CLBA1: variants seen among roughly 807,000 people sequenced by gnomAD.
The protein encoded by CLBA1 is uncharacterized protein CLBA1.
CLBA1 carries 30 observed loss-of-function variants against 28.8 expected under a neutral mutation model. The ratio of observed to expected loss-of-function variants is 1.04; its 90% CI spans 0.78 to 1.41. The LOEUF (loss-of-function observed/expected upper bound fraction) is 1.41. Ranked by LOEUF, CLBA1 falls within the 40% of genes most tolerant of loss-of-function variation. CLBA1 has a pLI of 0.00. For synonymous variants in CLBA1, 160 were observed against 152.8 expected, an observed-to-expected ratio of 1.05 and a Z score of -0.35; for missense variants, 451 against 412.3, an observed-to-expected ratio of 1.09 and a Z score of -0.81.
At chr14:104,998,415 T>TAA (rs60067779), downstream of CLBA1, among the ~76,000 whole-genome samples, 2,705 of 146,532 alleles carry the variant, frequency 0.018, 49 homozygotes, top group Non-Finnish European at 0.028. Flanking sequence ...CCCTATCTCT[T>TAA]AAAAAAAAAA....
At chr14:104,992,414 C>T (rs2140898293) in intron 3 of CLBA1, among the ~76,000 whole-genome samples, 1 of 152,352 alleles carries the variant, frequency 6.6e-6, no homozygotes, top group East Asian at 1.9e-4. Flanking sequence ...AATTTTCAAA[C>T]ATGGAAAACT....
intron 1 of CLBA1, among the ~76,000 whole-genome samples, chr14:104,987,378 C>A (rs1313957615): frequency 1.3e-5 from 2 of 152,164 alleles, no homozygotes; most frequent in African/African-American, 4.8e-5. Context: ...AGCCTTCAGG[C>A]CCCTGCCCCC....
chr14:104,989,136 TGTTTG>T, intron 2 of CLBA1, 48 bp downstream of exon 2: 1 of 1,584,538 alleles, frequency 6.3e-7, no homozygotes, highest in Non-Finnish European at 8.6e-7. Context: ...TTTGTACTTT[TGTTTG>T]ATAAAAGTAG....
chr14:104,995,235 T>C lies in CLBA1; in HGVS notation c.*476T>C. On this transcript the variant is annotated 3_prime_UTR_variant, in exon 5 of 5. Coordinates refer to ENST00000547315, the MANE Select transcript of CLBA1 (RefSeq NM_174891.4). Reference sequence around the variant, plus strand: ...GTCTGTCACACTCTGCCCTGGCTGCTGTGTGGTCAGGGCACCATGAGGGTG... The same window carrying C: ...GTCTGTCACACTCTGCCCTGGCTGCCGTGTGGTCAGGGCACCATGAGGGTG... 1.0e-6 allele frequency: 1 copy of C among 986,482 alleles called. No individual in the cohort carries two copies. Among genetic ancestry groups the C allele is most frequent in the Non-Finnish European group, 1.2e-6 (1 of 830,744 alleles). The allele number at this position is 986,482 out of a possible 1,614,324, so 61.1% of individuals were successfully genotyped here. A position where few individuals can be genotyped will look rare whatever the true frequency, so the allele number is the denominator to read the frequency against.
Position 104,995,064 on chromosome 14 carries a change from G to A in CLBA1, c.*305G>A. 8.6e-6 allele frequency: 9 copies of A among 1,048,882 alleles called. No homozygotes were observed. The highest frequency in any genetic ancestry group is 9.2e-6 in the Non-Finnish European group (8 of 870,808). 65.0% of individuals were successfully genotyped at this position (1,048,882 alleles called of 1,614,324 possible). The stretch of plus-strand genomic sequence containing the variant: ...TGCTGCTGGCACCTGGTGGGGGGTT[G>A]CCCAGGGATGGACCCTGGGCATGGC... On this transcript the variant is annotated 3_prime_UTR_variant, in exon 5 of 5. Coordinates refer to ENST00000547315, the MANE Select transcript of CLBA1 (RefSeq NM_174891.4).
At chr14:104,992,046 G>T (rs879904734) in intron 3 of CLBA1, among the ~76,000 whole-genome samples, 10 of 125,222 alleles carry the variant, frequency 8.0e-5, no homozygotes, top group African/African-American at 3.1e-4. Context: ...CCACGCACAC[G>T]CCACCACGCA....
intron 3 of CLBA1, among the ~76,000 whole-genome samples, chr14:104,991,869 C>T (rs1900033178): frequency 6.6e-6 from 1 of 152,206 alleles, no homozygotes; most frequent in Non-Finnish European, 1.5e-5. Context: ...GAGCCTGCAG[C>T]AGACAACGCA....
At chr14:104,998,415 T>TAAA (rs60067779), downstream of CLBA1, among the ~76,000 whole-genome samples, 7 of 146,488 alleles carry the variant, frequency 4.8e-5, no homozygotes, top group Non-Finnish European at 1.0e-4. Flanking sequence ...CCCTATCTCT[T>TAAA]AAAAAAAAAA....
At chr14:104,989,891 T>C in intron 2 of CLBA1, 1 of 361,426 alleles carries the variant, frequency 2.8e-6, no homozygotes, top group South Asian at 2.0e-5. Flanking sequence ...GACAGGCCAT[T>C]CTGGGCTCCA....
Position 104,993,117 on chromosome 14 carries a change from CAT to C in CLBA1, c.816+54_816+55del, listed in dbSNP as rs1055536048. ...GGGAACCGCGCTGGCGGTGTCCACA[CAT>C]GTGGAGCCCTCCGCTTTCTCTGATG... On this transcript the variant is annotated intron_variant, in intron 4 of 4. Coordinates refer to ENST00000547315, the MANE Select transcript of CLBA1 (RefSeq NM_174891.4). 1.6e-5 allele frequency: 25 copies of C among 1,565,774 alleles called. No individual in the cohort carries two copies. In the African/African-American group the frequency reaches 2.6e-4, roughly 16 times the overall value.
intron 1 of CLBA1, among the ~76,000 whole-genome samples, chr14:104,988,657 C>T (rs1024655435): frequency 2.1e-4 from 32 of 152,194 alleles, no homozygotes; most frequent in African/African-American, 6.0e-4. Flanking sequence ...AATTTCTTAA[C>T]CAAACTGGAA....
At chr14:104,991,964 G>A (rs1409928853) in intron 3 of CLBA1, among the ~76,000 whole-genome samples, 4 of 140,876 alleles carry the variant, frequency 2.8e-5, no homozygotes, top group Admixed American at 7.1e-5. Flanking sequence ...CCACGCACAC[G>A]CCGCCACACA....
chr14:104,989,873 G>C (rs1012882072), intron 2 of CLBA1: 1 of 372,294 alleles, frequency 2.7e-6, no homozygotes, highest in South Asian at 1.9e-5. Flanking sequence ...CTTTCAGAGA[G>C]CTCTGCAGAC....
rs1899864759 is a variant in CLBA1, at chr14:104,986,490, C to T, written c.59C>T (p.Ala20Val). The T allele has an allele frequency of 1.2e-6, 2 of 1,613,460 alleles. No individual in the cohort carries two copies. The highest frequency in any genetic ancestry group is 2.7e-5 in the African/African-American group (2 of 74,936). The change falls in exon 1 of 5, where the codon GCC (alanine) becomes GTC (valine). Residue 20 changes from alanine to valine, a missense_variant. Coordinates refer to ENST00000547315, the MANE Select transcript of CLBA1 (RefSeq NM_174891.4). ...EPLSDLQEEA[A>V]SASLRVAPER... ...TTGAGTGACCTCCAGGAGGAAGCAG[C>T]CAGCGCTTCCCTCCGAGTGGCACCT...
chr14:104,989,424 G>A (rs1421880894), intron 2 of CLBA1: 4 of 391,814 alleles, frequency 1.0e-5, no homozygotes, highest in Admixed American at 9.8e-5. Flanking sequence ...CTGGGCAGTG[G>A]GCACAGGGGC....
intron 2 of CLBA1, among the ~76,000 whole-genome samples, chr14:105,000,755 G>A (rs752558786): frequency 6.6e-6 from 1 of 152,054 alleles, no homozygotes; most frequent in Admixed American, 6.6e-5. Context: ...ATGAAATGTC[G>A]GTGATGGTGT....
intron 1 of CLBA1, among the ~76,000 whole-genome samples, chr14:104,987,896 C>CA (rs1355141590): frequency 6.6e-6 from 1 of 151,836 alleles, no homozygotes; most frequent in African/African-American, 2.4e-5. Flanking sequence ...CTCGGCCTCT[C>CA]AAAGTGCTGG....
At chr14:104,993,297 C>A in intron 4 of CLBA1, 1 of 985,372 alleles carries the variant, frequency 1.0e-6, no homozygotes, top group Non-Finnish European at 1.2e-6. Flanking sequence ...GCCAGAGGAC[C>A]CAGGATATGG....
At chr14:104,993,401 C>G in intron 4 of CLBA1, 1 of 985,384 alleles carries the variant, frequency 1.0e-6, no homozygotes. Flanking sequence ...TGAGGCAGGA[C>G]CAGGCTGTGA....
Sources: allele counts gnomAD v4.1 joint callset (sites outside exome capture counted in the v4.1 genomes callset), GRCh38; gene constraint gnomAD v4.1.1; transcripts MANE v1.5; gene names NCBI Gene and HGNC (gene_info 2026-07-23, HGNC 2026-07-21).